Variants in C8orf74 observed in about 807,000 individuals in gnomAD.
C8orf74 encodes uncharacterized protein C8orf74.
In C8orf74, 29 loss-of-function variants were observed where a neutral mutation model predicts 22.2. The observed-to-expected ratio is 1.31, with a 90% CI of 0.97 to 1.78. The LOEUF (loss-of-function observed/expected upper bound fraction) is 1.78. Ranked by LOEUF, C8orf74 falls within the 40% of genes most tolerant of loss-of-function variation. C8orf74 has a pLI of 0.00. For missense variants in C8orf74, 515 were observed against 369.9 expected (o/e 1.39, Z -3.22); for synonymous variants, 255 against 163.1 (o/e 1.56, Z -4.30).
At chr8:10,673,896 CATATCATACCCTGCAACCTCG>C (rs1563153190) in intron 1 of C8orf74, 9 of 152,074 alleles carry the variant, frequency 5.9e-5, no homozygotes. Flanking sequence ...CTCCAGCCTC[CATATCATACCCTGCAACCTCG>C]ATATCATACC....
At chr8:10,678,494 C>G (rs563475682) in intron 2 of C8orf74, among the ~76,000 whole-genome samples, 1 of 151,890 alleles carries the variant, frequency 6.6e-6, no homozygotes, top group South Asian at 2.1e-4. Context: ...GCCCAGTAGA[C>G]ACGTGCCAGG....
intron 2 of C8orf74, chr8:10,690,753 C>T (rs149987646): frequency 7.2e-4 from 296 of 411,302 alleles, no homozygotes; most frequent in African/African-American, 4.5e-3. Flanking sequence ...CCCCCTGGTC[C>T]GAGCCGTTTC....
intron 2 of C8orf74, 59 bp from the exon 3 acceptor site, chr8:10,697,540 C>G: frequency 6.6e-7 from 1 of 1,516,770 alleles, no homozygotes; most frequent in East Asian, 2.3e-5. Flanking sequence ...CCCACATCCA[C>G]TGCCTGGCAG....
In C8orf74 at chr8:10,674,722, G is replaced by C; in HGVS notation, c.125G>C (p.Ser42Thr). 6.2e-7 allele frequency: 1 copy of C among 1,608,614 alleles called. No homozygotes were observed. Among genetic ancestry groups the C allele is most frequent in the Non-Finnish European group, 8.5e-7 (1 of 1,177,528 alleles). ...EFDEQRDSRRSILLDTLYESI... is the reference protein window; with the variant it reads ...EFDEQRDSRRTILLDTLYESI... ...GACGAACAGAGAGACTCCCGGAGGA[G>C]CATCCTGCTGGACACCCTCTACGAG... is the stretch of plus-strand genomic sequence containing the variant. The change falls in exon 2 of 4, where the codon AGC becomes ACC. Residue 42 changes from serine to threonine, a missense_variant. By Grantham distance (58) the Ser-to-Thr change is moderately conservative (BLOSUM62 1). Coordinates refer to ENST00000304519, the MANE Select transcript of C8orf74 (RefSeq NM_001040032.2).
chr8:10,683,360 C>A (rs1182938861), intron 2 of C8orf74, among the ~76,000 whole-genome samples: 2 of 152,200 alleles, frequency 1.3e-5, no homozygotes, highest in Non-Finnish European at 2.9e-5. Context: ...AGATGGTACA[C>A]GTTCTCTCAG....
Position 10,696,838 on chromosome 8 carries a change from A to T in C8orf74, c.242-761A>T, listed in dbSNP as rs77814654. Among the ~76,000 whole-genome samples, 1,012 of 152,236 alleles carry T rather than the reference A, an allele frequency of 6.6e-3. 9 individuals are homozygous for T. Among genetic ancestry groups the T allele is most frequent in the African/African-American group, 0.023 (963 of 41,504 alleles). ...AGTAGAAACAAGATAAAGCACAGCG[A>T]AAGTAACTCTTTAAAACAGGCATCA... On this transcript the variant is annotated intron_variant, in intron 2 of 3. Transcript: ENST00000304519.
Position 10,700,428 on chromosome 8 carries a change from C to T in C8orf74, c.842C>T (p.Pro281Leu), listed in dbSNP as rs1169734088. 1.2e-6 allele frequency: 2 copies of T among 1,608,892 alleles called. No individual in the cohort carries two copies. The highest frequency in any genetic ancestry group is 1.7e-6 in the Non-Finnish European group (2 of 1,177,166). ...SHAGQEEALKPQRASKGKKAK... is the reference protein window; with the variant it reads ...SHAGQEEALKLQRASKGKKAK... ...GCAGGCCAGGAGGAAGCCCTGAAGC[C>T]CCAAAGAGCGAGCAAAGGAAAGAAA... The change falls in exon 4 of 4, where the codon CCC becomes CTC. Residue 281 changes from proline (P) to leucine (L), a missense_variant. Physicochemically the swap from Pro to Leu is moderately conservative, Grantham distance 98 (BLOSUM62 -3). Coordinates refer to ENST00000304519, the MANE Select transcript of C8orf74 (RefSeq NM_001040032.2).
At chr8:10,687,382 G>C (rs1365712345) in intron 2 of C8orf74, 1 of 272,592 alleles carries the variant, frequency 3.7e-6, no homozygotes, top group Non-Finnish European at 7.3e-6. Flanking sequence ...AGGCGCAATG[G>C]CTAACACATG....
chr8:10,697,693 C>A lies in C8orf74; in HGVS notation c.336C>A (p.Asp112Glu). ...FNTTHLLALC[D>E]YFHHTFIRHY... is the part of the protein sequence containing the mutation. ...CCACCCACCTGCTGGCCCTCTGTGACTACTTCCACCACACCTTCATCCGCC... is the reference window on the plus strand; with the variant it reads ...CCACCCACCTGCTGGCCCTCTGTGAATACTTCCACCACACCTTCATCCGCC... The change falls in exon 3 of 4, where the codon GAC becomes GAA. Residue 112 changes from aspartate (D) to glutamate (E), a missense_variant. Asp to Glu is a conservative substitution (Grantham distance 45, BLOSUM62 2). Coordinates refer to ENST00000304519, the MANE Select transcript of C8orf74 (RefSeq NM_001040032.2). 1.7e-5 allele frequency: 27 copies of A among 1,614,040 alleles called. No individual in the cohort carries two copies. Among genetic ancestry groups the A allele is most frequent in the Non-Finnish European group, 2.1e-5 (25 of 1,179,894 alleles).
chr8:10,700,117 G>A, intron 3 of C8orf74, 118 bp from the exon 4 acceptor site: 1 of 614,634 alleles, frequency 1.6e-6, no homozygotes, highest in Non-Finnish European at 2.7e-6. Context: ...CGGCCCGTGG[G>A]CAGGGTGAGA....
At chr8:10,673,432 C>T (rs1798958676) in intron 1 of C8orf74, among the ~76,000 whole-genome samples, 1 of 152,138 alleles carries the variant, frequency 6.6e-6, no homozygotes, top group Non-Finnish European at 1.5e-5. Flanking sequence ...TGAATTTTCA[C>T]CAAGCAAGAC....
At chr8:10,688,655 T>G (rs1279315593) in intron 2 of C8orf74, 1 of 152,298 alleles carries the variant, frequency 6.6e-6, no homozygotes, top group African/African-American at 2.4e-5. Context: ...AGGAGGATGA[T>G]GCATCTCCAG....
chr8:10,696,441 CTTTTTT>C lies in C8orf74; in HGVS notation c.242-1141_242-1136del, dbSNP rs546082377. Among the ~76,000 whole-genome samples, 3 of 102,424 alleles carry C rather than the reference CTTTTTT, an allele frequency of 2.9e-5. No individual in the cohort carries two copies. In the Admixed American group the frequency reaches 3.1e-4, roughly 11 times the overall value. 67.2% of individuals were successfully genotyped at this position (102,424 alleles called of 152,430 possible). ...TTTTTCTTTTCTTTTCTTTTCTTTTCTTTTTTTTTTTTTTTTTTTTTTGAGATGGAG... is the reference window on the plus strand; with the variant it reads ...TTTTTCTTTTCTTTTCTTTTCTTTTCTTTTTTTTTTTTTTTTGAGATGGAG... On this transcript the variant is annotated intron_variant, in intron 2 of 3. Coordinates refer to ENST00000304519, the MANE Select transcript of C8orf74 (RefSeq NM_001040032.2).
At chr8:10,695,867 T>C (rs1321113482) in intron 2 of C8orf74, among the ~76,000 whole-genome samples, 1 of 152,182 alleles carries the variant, frequency 6.6e-6, no homozygotes, top group East Asian at 1.9e-4. Flanking sequence ...GTTACTTTCA[T>C]TGTCGGCAGA....
intron 2 of C8orf74, among the ~76,000 whole-genome samples, chr8:10,690,458 G>A (rs1412943296): frequency 1.3e-5 from 2 of 152,192 alleles, no homozygotes; most frequent in African/African-American, 4.8e-5. Flanking sequence ...TGGAGATGCT[G>A]GGCCCTTGCT....
intron 3 of C8orf74, 142 bp downstream of exon 3, chr8:10,698,147 G>GA: frequency 1.3e-5 from 10 of 785,612 alleles, no homozygotes; most frequent in East Asian, 2.9e-5. Context: ...AGTCTACCAC[G>GA]AGCTTCGCGG....
chr8:10,697,674 A>G lies in C8orf74; in HGVS notation c.317A>G (p.His106Arg), dbSNP rs746401082. The change falls in exon 3 of 4, where the codon CAC becomes CGC. Residue 106 changes from histidine (H) to arginine (R), a missense_variant. By Grantham distance (29) the His-to-Arg change is conservative. Coordinates refer to ENST00000304519, the MANE Select transcript of C8orf74 (RefSeq NM_001040032.2). ...TACCGGGGCCATTTCAACACCACCC[A>G]CCTGCTGGCCCTCTGTGACTACTTC... ...RDYRGHFNTT[H>R]LLALCDYFHH... 1 of 1,613,620 alleles carries G rather than the reference A, an allele frequency of 6.2e-7. No individual in the cohort carries two copies. The highest frequency in any genetic ancestry group is 8.5e-7 in the Non-Finnish European group (1 of 1,179,828).
chr8:10,691,292 A>T (rs748574281), intron 2 of C8orf74: 4 of 230,550 alleles, frequency 1.7e-5, no homozygotes, highest in Non-Finnish European at 3.6e-5. Flanking sequence ...AGCCGCCAGG[A>T]CACCCAGGCA....
Position 10,684,063 on chromosome 8 carries a change from C to A in C8orf74, c.241+9225C>A, listed in dbSNP as rs180803515. 8.5e-5 allele frequency among the ~76,000 whole-genome samples: 13 copies of A among 152,250 alleles called. No individual in the cohort carries two copies. In the South Asian group the frequency reaches 1.9e-3, roughly 22 times the overall value. Reference sequence around the variant, plus strand: ...CAGGAGCCCCGTGCTTCCAGGAGGACCAGGGAAGGGGATGATGATCATAAT... The same window carrying A: ...CAGGAGCCCCGTGCTTCCAGGAGGAACAGGGAAGGGGATGATGATCATAAT... On this transcript the variant is annotated intron_variant, in intron 2 of 3. Transcript: ENST00000304519.
Sources: allele counts gnomAD v4.1 joint callset (sites outside exome capture counted in the v4.1 genomes callset), GRCh38; gene constraint gnomAD v4.1.1; transcripts MANE v1.5; gene names NCBI Gene and HGNC (gene_info 2026-07-23, HGNC 2026-07-21).